Variants in NT5C3A observed in about 807,000 individuals in gnomAD.
NT5C3A encodes the protein cytosolic 5'-nucleotidase 3A.
A neutral mutation model predicts 40.0 loss-of-function variants in NT5C3A; 23 were observed. The observed-to-expected ratio is 0.58, with a 90% CI of 0.41 to 0.81. The LOEUF (loss-of-function observed/expected upper bound fraction) is 0.81, where lower values mean the gene tolerates loss of function less well. Ranked by LOEUF, NT5C3A falls within the 40% of genes least tolerant of loss-of-function variation. The probability of loss-of-function intolerance (pLI) is 0.00; values close to 1 mark genes in which losing one functional copy is unlikely to be tolerated. For missense variants in NT5C3A, 328 were observed against 403.0 expected (o/e 0.81, Z 1.59); for synonymous variants, 130 against 141.4 (o/e 0.92, Z 0.57).
At chr7:33,057,158 T>C (rs1387357463) in intron 1 of NT5C3A, among the ~76,000 whole-genome samples, 2 of 151,202 alleles carry the variant, frequency 1.3e-5, no homozygotes, top group Admixed American at 6.6e-5. Context: ...GGCTAACTCA[T>C]AGGCAATGCA....
rs149624347 is a variant in NT5C3A, at chr7:33,048,341, G to A, written c.138+14227C>T. 7.8e-3 allele frequency among the ~76,000 whole-genome samples: 1,193 copies of A among 152,000 alleles called. 11 individuals are homozygous for A. The highest frequency in any genetic ancestry group is 0.027 in the African/African-American group (1,102 of 41,440). ...ATTACAGGTATGAGCCACCTTGCCC[G>A]GCCTGGTAAATAGTTTAAAATAAAC... On this transcript the variant is annotated intron_variant, in intron 1 of 8. Coordinates refer to ENST00000610140, the MANE Select transcript of NT5C3A (RefSeq NM_001002010.5).
At chr7:33,022,311 C>T (rs1040666592) in intron 3 of NT5C3A, among the ~76,000 whole-genome samples, 14 of 152,124 alleles carry the variant, frequency 9.2e-5, no homozygotes, top group African/African-American at 3.4e-4. Context: ...AAGCTAATGG[C>T]TTAAAATCTG....
At chr7:33,039,793 G>A (rs930374333) in intron 1 of NT5C3A, among the ~76,000 whole-genome samples, 2 of 151,578 alleles carry the variant, frequency 1.3e-5, no homozygotes, top group African/African-American at 4.9e-5. Context: ...AGAGTGGGAG[G>A]GGTAGAAGAG....
intron 7 of NT5C3A, 24 bp downstream of exon 7, chr7:33,017,415 T>C: frequency 6.5e-7 from 1 of 1,529,090 alleles, no homozygotes; most frequent in Non-Finnish European, 9.0e-7. Context: ...TTTAAAATTA[T>C]GAAGAACGAT....
At chr7:33,027,414 G>T (rs1786001910) in intron 1 of NT5C3A, among the ~76,000 whole-genome samples, 1 of 152,084 alleles carries the variant, frequency 6.6e-6, no homozygotes, top group East Asian at 1.9e-4. Context: ...AAACTTATCA[G>T]TATTTTCCAG....
chr7:33,058,160 C>A (rs1272224745), intron 1 of NT5C3A, among the ~76,000 whole-genome samples: 1 of 151,728 alleles, frequency 6.6e-6, no homozygotes, highest in Non-Finnish European at 1.5e-5. Flanking sequence ...GAAAAGAAGT[C>A]GGTATGTAAC....
At chr7:33,024,520 G>A (rs2127997911) in intron 2 of NT5C3A, among the ~76,000 whole-genome samples, 1 of 152,298 alleles carries the variant, frequency 6.6e-6, no homozygotes, top group East Asian at 1.9e-4. Flanking sequence ...CATGGAAACA[G>A]AGAGTAGAAA....
rs1285466399 is a variant in NT5C3A at position 33,056,764 on chromosome 7, T to C, written c.138+5804A>G. ...CTTCTTTTTTAAAACACAGACTCAA[T>C]AGTGGGCTTTCGATTCACTCAGTAT... On this transcript the variant is annotated intron_variant, in intron 1 of 8. Coordinates refer to ENST00000610140, the MANE Select transcript of NT5C3A (RefSeq NM_001002010.5). 3.3e-5 allele frequency among the ~76,000 whole-genome samples: 5 copies of C among 152,286 alleles called. No individual in the cohort carries two copies. In the East Asian group the frequency reaches 5.8e-4, roughly 18 times the overall value.
chr7:33,023,935 C>T (rs1248055241), intron 3 of NT5C3A, 104 bp downstream of exon 3: 1 of 741,794 alleles, frequency 1.3e-6, no homozygotes, highest in Non-Finnish European at 2.4e-6. Context: ...TGTCAATGTC[C>T]AAGAAGAATT....
In NT5C3A at chr7:33,051,384, G is replaced by A. The variant is rs189990536; in HGVS notation, c.138+11184C>T. Among the ~76,000 whole-genome samples the A allele has an allele frequency of 6.4e-3, 974 of 152,128 alleles. 12 individuals carry two copies. The highest frequency in any genetic ancestry group is 0.054 in the South Asian group (261 of 4,826). ...TCACCATGTTGGTCAGGGTGGTCTC[G>A]AACTCCTGACTTTGTGATCCGCCCG... On this transcript the variant is annotated intron_variant, in intron 1 of 8. Transcript: ENST00000610140.
Position 33,014,637 on chromosome 7 carries a change from A to C in NT5C3A, c.*93T>G. The C allele has an allele frequency of 6.5e-7, 1 of 1,547,544 alleles. No individual in the cohort carries two copies. The highest frequency in any genetic ancestry group is 8.8e-7 in the Non-Finnish European group (1 of 1,137,846). On this transcript the variant is annotated 3_prime_UTR_variant, in exon 9 of 9. Coordinates refer to ENST00000610140, the MANE Select transcript of NT5C3A (RefSeq NM_001002010.5). ...TATACAAAGGGAACACTTCGAGAGTAAGGATATATTATAAATAAGTCTCTC... is the reference window on the plus strand; with the variant it reads ...TATACAAAGGGAACACTTCGAGAGTCAGGATATATTATAAATAAGTCTCTC...
At chr7:33,053,596 G>A (rs1302666796) in intron 1 of NT5C3A, among the ~76,000 whole-genome samples, 2 of 152,012 alleles carry the variant, frequency 1.3e-5, no homozygotes, top group Non-Finnish European at 2.9e-5. Context: ...AGGAGGTCGA[G>A]GTTGCAATGA....
chr7:33,041,195 A>G, intron 1 of NT5C3A: 1 of 952,608 alleles, frequency 1.0e-6, no homozygotes, highest in Non-Finnish European at 1.2e-6. Context: ...ACTTAAAAAC[A>G]TTCCTTTCCA....
At chr7:33,062,471 T>A in intron 1 of NT5C3A, 97 bp downstream of exon 1, 10 of 1,142,674 alleles carry the variant, frequency 8.8e-6, no homozygotes, top group Non-Finnish European at 1.3e-5. Context: ...CAGCTCCCCG[T>A]CGCGACCGAA....
rs759804948 is a variant in NT5C3A, at chr7:33,026,807, A to C, written c.237+10T>G. ...ACACACACAGCCAAGGCTTCTTGAT[A>C]ATTATTCACCTGAAGTTTGGCAGCT... On this transcript the variant is annotated intron_variant, in intron 2 of 8. Transcript: ENST00000610140. 1.3e-6 allele frequency: 2 copies of C among 1,576,114 alleles called. No homozygotes were observed. Among genetic ancestry groups the C allele is most frequent in the Non-Finnish European group, 1.7e-6 (2 of 1,147,770 alleles).
chr7:33,036,061 T>A, intron 1 of NT5C3A: 1 of 1,187,022 alleles, frequency 8.4e-7, no homozygotes, highest in Admixed American at 1.7e-5. Context: ...AATTTCAGGT[T>A]CTTCCTGTTA....
At chr7:33,025,625 A>T (rs28576352) in intron 2 of NT5C3A, among the ~76,000 whole-genome samples, 110,208 of 152,078 alleles carry the variant, frequency 0.72, 40,208 homozygotes, top group African/African-American at 0.79. Flanking sequence ...CATAAAACTA[A>T]ACACTTTTAA....
At chr7:33,046,605 G>A (rs960420247) in intron 1 of NT5C3A, among the ~76,000 whole-genome samples, 3 of 152,000 alleles carry the variant, frequency 2.0e-5, no homozygotes, top group Non-Finnish European at 4.4e-5. Context: ...TGTTGAACAT[G>A]AACTATATCT....
chr7:33,047,880 G>C (rs1454532207), intron 1 of NT5C3A, among the ~76,000 whole-genome samples: 1 of 152,106 alleles, frequency 6.6e-6, no homozygotes, highest in Non-Finnish European at 1.5e-5. Context: ...GGAGTGCAGT[G>C]GTATGATCTT....
Sources: gnomAD v4.1 joint callset for allele counts (sites outside exome capture counted in the v4.1 genomes callset) on GRCh38, gnomAD v4.1.1 for gene constraint, MANE v1.5 for transcripts, NCBI Gene and HGNC (gene_info 2026-07-23, HGNC 2026-07-21) for gene names.